The following AGTPBP1 variants were observed in gnomAD, a reference collection of about 807,000 sequenced individuals.
The protein encoded by AGTPBP1 is cytosolic carboxypeptidase 1.
AGTPBP1 carries 70 observed loss-of-function variants against 143.9 expected under a neutral mutation model. The ratio of observed to expected loss-of-function variants is 0.49; its 90% CI spans 0.40 to 0.59. AGTPBP1 has a LOEUF of 0.59. Ranked by LOEUF, AGTPBP1 falls within the 20% of genes least tolerant of loss-of-function variation. The pLI is 0.00. For synonymous variants in AGTPBP1, 463 were observed against 500.2 expected (o/e 0.93, Z 0.99); for missense variants, 1,229 against 1,464.5 (o/e 0.84, Z 2.62).
At chr9:85,683,031 G>A (rs1488062923) in intron 3 of AGTPBP1, among the ~76,000 whole-genome samples, 1 of 152,066 alleles carries the variant, frequency 6.6e-6, no homozygotes, top group Non-Finnish European at 1.5e-5. Context: ...ATCATCTCGG[G>A]TTCAGTTAAT....
chr9:85,692,855 G>C, intron 2 of AGTPBP1, 42 bp from the exon 3 acceptor site: 2 of 1,595,960 alleles, frequency 1.3e-6, no homozygotes, highest in Non-Finnish European at 1.7e-6. Context: ...CTAAATCAAT[G>C]GTGTAAATTC....
At chr9:85,550,190 T>TGA (rs776074634) in intron 25 of AGTPBP1, among the ~76,000 whole-genome samples, 13 of 122,126 alleles carry the variant, frequency 1.1e-4, no homozygotes, top group Admixed American at 3.4e-4. Flanking sequence ...AGTGTGTGTG[T>TGA]GTGTGAGAGA....
chr9:85,744,069 C>T (rs1031753595), upstream of AGTPBP1, among the ~76,000 whole-genome samples: 11 of 151,894 alleles, frequency 7.2e-5, no homozygotes, highest in African/African-American at 2.7e-4. Flanking sequence ...TCTGGGACTA[C>T]AGGCACACGT....
At chr9:85,684,653 G>T (rs566484107) in intron 3 of AGTPBP1, among the ~76,000 whole-genome samples, 3 of 151,814 alleles carry the variant, frequency 2.0e-5, no homozygotes, top group Admixed American at 2.0e-4. Context: ...CCTACCACTT[G>T]AAAAGTGCTT....
chr9:85,633,555 C>T (rs1831831217), intron 13 of AGTPBP1, among the ~76,000 whole-genome samples, 181 bp from the exon 14 acceptor site: 1 of 152,152 alleles, frequency 6.6e-6, no homozygotes, highest in Non-Finnish European at 1.5e-5. Flanking sequence ...AAATTCATAA[C>T]AACTACTTTA....
chr9:85,720,056 A>G (rs1400959684), intron 1 of AGTPBP1, among the ~76,000 whole-genome samples: 2 of 152,166 alleles, frequency 1.3e-5, no homozygotes, highest in Non-Finnish European at 2.9e-5. Context: ...TGCTGGATTC[A>G]GTTTGCCAGT....
chr9:85,742,156 G>A (rs568596428), upstream of AGTPBP1: 3 of 623,026 alleles, frequency 4.8e-6, no homozygotes, highest in South Asian at 2.3e-4. Flanking sequence ...ACGGGAGGGA[G>A]CGCGCGCGTG....
chr9:85,603,756 C>T (rs1829817414), intron 17 of AGTPBP1, among the ~76,000 whole-genome samples: 1 of 152,196 alleles, frequency 6.6e-6, no homozygotes, highest in Non-Finnish European at 1.5e-5. Context: ...GAGCCTGCTG[C>T]CCTGAAGGGA....
At chr9:85,784,048 C>T in the AGTPBP1 span, among the ~76,000 whole-genome samples, 4 of 152,328 alleles carry the variant, frequency 2.6e-5, no homozygotes, top group Non-Finnish European at 4.4e-5. Context: ...TGATGGTCAT[C>T]CCTCTGTTAC....
chr9:85,705,455 C>T (rs1836924451), intron 2 of AGTPBP1, among the ~76,000 whole-genome samples: 1 of 151,928 alleles, frequency 6.6e-6, no homozygotes, highest in Non-Finnish European at 1.5e-5. Context: ...GGCAAGAGGG[C>T]AGCTTGAAAC....
chr9:85,742,893 CTG>C (rs1293520485), upstream of AGTPBP1, among the ~76,000 whole-genome samples: 2 of 152,132 alleles, frequency 1.3e-5, no homozygotes, highest in African/African-American at 2.4e-5. Flanking sequence ...GCATTGAGAA[CTG>C]TGAGATTTTT....
chr9:85,718,756 C>T (rs1837893340), intron 1 of AGTPBP1, among the ~76,000 whole-genome samples: 1 of 152,126 alleles, frequency 6.6e-6, no homozygotes, highest in South Asian at 2.1e-4. Flanking sequence ...TGCCTATGTC[C>T]TCAATGGTAT....
intron 1 of AGTPBP1, among the ~76,000 whole-genome samples, chr9:85,715,581 C>T (rs953053610): frequency 6.6e-6 from 1 of 152,202 alleles, no homozygotes; most frequent in East Asian, 1.9e-4. Flanking sequence ...ACTAAAGGAA[C>T]AGACAACCTC....
chr9:85,726,204 T>C (rs1326764549), intron 1 of AGTPBP1, among the ~76,000 whole-genome samples: 2 of 144,572 alleles, frequency 1.4e-5, no homozygotes, highest in African/African-American at 5.1e-5. Context: ...CACTCCAGCC[T>C]GAGTAACAGA....
At chr9:85,575,237 T>C in intron 25 of AGTPBP1, 78 bp downstream of exon 25, 1 of 1,131,932 alleles carries the variant, frequency 8.8e-7, no homozygotes, top group Non-Finnish European at 1.2e-6. Context: ...TGTCAAAATT[T>C]CCATGCCTTT....
chr9:85,598,692 T>C (rs941744577), intron 17 of AGTPBP1, among the ~76,000 whole-genome samples: 19 of 152,204 alleles, frequency 1.2e-4, no homozygotes, highest in African/African-American at 4.6e-4. Context: ...TTTTTGACCC[T>C]GACGTTTTAG....
intron 21 of AGTPBP1, among the ~76,000 whole-genome samples, chr9:85,587,635 C>A (rs1177477204): frequency 6.6e-6 from 1 of 152,004 alleles, no homozygotes; most frequent in South Asian, 2.1e-4. Context: ...TCCTAAAATA[C>A]GAGAAATATT....
chr9:85,649,043 T>A (rs2133879231), intron 11 of AGTPBP1, among the ~76,000 whole-genome samples: 1 of 152,328 alleles, frequency 6.6e-6, no homozygotes, highest in East Asian at 1.9e-4. Context: ...ATTTCAAAGA[T>A]CCATTCATTA....
intron 1 of AGTPBP1, among the ~76,000 whole-genome samples, chr9:85,724,286 C>CAAAAA (rs56269636): frequency 3.9e-5 from 3 of 77,762 alleles, no homozygotes; most frequent in East Asian, 2.5e-4. Context: ...GACTTTGTCT[C>CAAAAA]AAAAAAAAAA....
Sources: allele counts gnomAD v4.1 joint callset (sites outside exome capture counted in the v4.1 genomes callset), GRCh38; gene constraint gnomAD v4.1.1; transcripts MANE v1.5; gene names NCBI Gene and HGNC (gene_info 2026-07-23, HGNC 2026-07-21).